The following MBOAT1 variants were observed in gnomAD, a reference collection of about 807,000 sequenced individuals.
The protein encoded by MBOAT1 is membrane bound glycerophospholipid O-acyltransferase 1.
In MBOAT1, 67 loss-of-function variants were observed where a neutral mutation model predicts 64.4. The observed-to-expected ratio is 1.04, with a 90% CI of 0.85 to 1.27. The LOEUF (loss-of-function observed/expected upper bound fraction) is 1.27, where lower values mean the gene tolerates loss of function less well. MBOAT1 is among the 50% of genes most tolerant of loss of function. MBOAT1 has a pLI of 0.00. For missense variants in MBOAT1, 563 were observed against 604.6 expected (o/e 0.93, Z 0.72); for synonymous variants, 229 against 218.9 (o/e 1.05, Z -0.41).
At chr6:20,141,359 C>CTTTTTTTT (rs755615744) in intron 4 of MBOAT1, among the ~76,000 whole-genome samples, 17 of 99,828 alleles carry the variant, frequency 1.7e-4, no homozygotes, top group East Asian at 8.2e-4. Context: ...TTTTCTTTTT[C>CTTTTTTTT]TTTTTTTTTT....
chr6:20,153,910 C>T (rs184607112), intron 1 of MBOAT1, among the ~76,000 whole-genome samples: 5 of 152,346 alleles, frequency 3.3e-5, no homozygotes, highest in Admixed American at 6.5e-5. Flanking sequence ...ATTCCAAATA[C>T]ATTAAGTGGT....
intron 1 of MBOAT1, among the ~76,000 whole-genome samples, chr6:20,184,025 C>T (rs753935629): frequency 6.6e-6 from 1 of 152,234 alleles, no homozygotes; most frequent in African/African-American, 2.4e-5. Flanking sequence ...ATTCAATTAT[C>T]TCCCCCTGTG....
chr6:20,170,531 T>C (rs1369715067), intron 1 of MBOAT1, among the ~76,000 whole-genome samples: 2 of 152,188 alleles, frequency 1.3e-5, no homozygotes, highest in East Asian at 3.8e-4. Context: ...TTTTGCCTCC[T>C]AAGTCTATCT....
chr6:20,180,576 G>A (rs2113740790), intron 1 of MBOAT1, among the ~76,000 whole-genome samples: 1 of 152,254 alleles, frequency 6.6e-6, no homozygotes, highest in East Asian at 1.9e-4. Flanking sequence ...GACCCTCATA[G>A]AATGAGCTGC....
chr6:20,162,541 T>C (rs1320723232), intron 1 of MBOAT1, among the ~76,000 whole-genome samples: 1 of 152,240 alleles, frequency 6.6e-6, no homozygotes, highest in Non-Finnish European at 1.5e-5. Context: ...GCAATAATAA[T>C]CAGCATTTAT....
intron 1 of MBOAT1, among the ~76,000 whole-genome samples, chr6:20,165,602 G>T (rs960486836): frequency 6.6e-6 from 1 of 152,064 alleles, no homozygotes; most frequent in African/African-American, 2.4e-5. Context: ...AATTAGCCAG[G>T]CATGGTGGCA....
At position 20,118,524 on chromosome 6, in the gene MBOAT1, G is replaced by A. The variant is rs751238046; in HGVS notation, c.924C>T (p.Asn308=). The change falls in exon 9 of 13, where the codon AAC becomes AAT. Residue 308 remains asparagine, a synonymous_variant. Transcript: ENST00000324607. The part of the protein sequence containing the change: ...FAWTLADAVN[N]AAGFGFSGVD... ...CTCCGCTGAACCCAAAGCCAGCTGC[G>A]TTATTCACTGCATCAGCTATGGTTT... 6.2e-6 allele frequency: 10 copies of A among 1,613,516 alleles called. No individual in the cohort carries two copies. In the Admixed American group the frequency reaches 6.7e-5, roughly 11 times the overall value.
chr6:20,179,640 C>G (rs1762455401), intron 1 of MBOAT1, among the ~76,000 whole-genome samples: 1 of 152,134 alleles, frequency 6.6e-6, no homozygotes, highest in Non-Finnish European at 1.5e-5. Flanking sequence ...ATGCATGTAT[C>G]TCTAAAATCA....
At chr6:20,125,914 T>C (rs1365096693) in intron 7 of MBOAT1, 3 of 440,442 alleles carry the variant, frequency 6.8e-6, no homozygotes, top group Admixed American at 2.7e-5. Context: ...CCCTTAAATA[T>C]AGGATATTTG....
intron 12 of MBOAT1, among the ~76,000 whole-genome samples, chr6:20,107,969 G>A (rs531793246): frequency 2.5e-4 from 38 of 152,248 alleles, no homozygotes; most frequent in Middle Eastern, 6.8e-3. Context: ...GTTGGCTTGA[G>A]GGCATGGACA....
At chr6:20,188,003 GAAC>G (rs1329846644) in intron 1 of MBOAT1, among the ~76,000 whole-genome samples, 1 of 152,150 alleles carries the variant, frequency 6.6e-6, no homozygotes, top group East Asian at 1.9e-4. Flanking sequence ...AGAGAGAGAA[GAAC>G]TGTAAGAGAG....
At chr6:20,170,613 C>T (rs1011168950) in intron 1 of MBOAT1, among the ~76,000 whole-genome samples, 1 of 152,158 alleles carries the variant, frequency 6.6e-6, no homozygotes, top group Non-Finnish European at 1.5e-5. Flanking sequence ...GACAACATGC[C>T]TCTGACTTTG....
chr6:20,177,461 T>C (rs1463609373), intron 1 of MBOAT1, among the ~76,000 whole-genome samples: 1 of 152,178 alleles, frequency 6.6e-6, no homozygotes, highest in African/African-American at 2.4e-5. Flanking sequence ...CCCAAAATGC[T>C]GGGGTTACAG....
chr6:20,140,467 G>A (rs1053797869), intron 4 of MBOAT1, among the ~76,000 whole-genome samples: 2 of 152,194 alleles, frequency 1.3e-5, no homozygotes, highest in Non-Finnish European at 2.9e-5. Flanking sequence ...TCCATGGACT[G>A]AATAAGGAAG....
intron 11 of MBOAT1, 145 bp downstream of exon 11, chr6:20,112,731 A>T: frequency 2.4e-6 from 2 of 825,174 alleles, no homozygotes; most frequent in East Asian, 5.1e-5. Flanking sequence ...CTCTAATGGG[A>T]AGACTCTTGC....
intron 1 of MBOAT1, 100 bp downstream of exon 1, chr6:20,212,036 T>C: frequency 1.0e-6 from 1 of 973,204 alleles, no homozygotes; most frequent in Non-Finnish European, 1.5e-6. Flanking sequence ...GGCTGTAAAA[T>C]ACGCCATGGA....
intron 3 of MBOAT1, among the ~76,000 whole-genome samples, chr6:20,147,995 T>C (rs1761376770): frequency 6.6e-6 from 1 of 152,194 alleles, no homozygotes; most frequent in South Asian, 2.1e-4. Context: ...ACACAAGCCA[T>C]GTTCTGCTCC....
chr6:20,204,762 C>T (rs1288369095), intron 1 of MBOAT1, among the ~76,000 whole-genome samples: 1 of 152,178 alleles, frequency 6.6e-6, no homozygotes, highest in Non-Finnish European at 1.5e-5. Flanking sequence ...AAGCACAGCA[C>T]ACAGGGAAAA....
At chr6:20,133,356 T>C (rs1760887790) in intron 4 of MBOAT1, among the ~76,000 whole-genome samples, 1 of 152,202 alleles carries the variant, frequency 6.6e-6, no homozygotes, top group Non-Finnish European at 1.5e-5. Context: ...TTGGTCCTAG[T>C]AATAAGGGCT....
Sources: gnomAD v4.1 joint callset for allele counts (sites outside exome capture counted in the v4.1 genomes callset) on GRCh38, gnomAD v4.1.1 for gene constraint, MANE v1.5 for transcripts, NCBI Gene and HGNC (gene_info 2026-07-23, HGNC 2026-07-21) for gene names.